The following ADAM9 variants were observed in gnomAD, a reference collection of about 807,000 sequenced individuals.
The protein encoded by ADAM9 is disintegrin and metalloproteinase domain-containing protein 9.
ADAM9 carries 54 observed loss-of-function variants against 108.1 expected under a neutral mutation model. The ratio of observed to expected loss-of-function variants is 0.50; its 90% confidence interval spans 0.40 to 0.63. The LOEUF is 0.63. ADAM9 is among the 20% of genes least tolerant of loss of function. The pLI is 0.00. For missense variants in ADAM9, 830 were observed against 997.7 expected (o/e 0.83, Z 2.26); for synonymous variants, 316 against 336.0 (o/e 0.94, Z 0.65).
chr8:39,067,134 A>G (rs1234796938), intron 14 of ADAM9, among the ~76,000 whole-genome samples: 2 of 152,182 alleles, frequency 1.3e-5, no homozygotes, highest in South Asian at 2.1e-4. Flanking sequence ...TACCAGTACC[A>G]TGCTATTTTG....
At chr8:39,005,654 T>C (rs897803166) in intron 1 of ADAM9, among the ~76,000 whole-genome samples, 3 of 152,192 alleles carry the variant, frequency 2.0e-5, no homozygotes, top group African/African-American at 7.2e-5. Context: ...CAGTCCAAAT[T>C]GCAGGGAAAA....
intron 3 of ADAM9, 40 bp from the exon 4 acceptor site, chr8:39,013,925 A>G: frequency 6.7e-7 from 1 of 1,483,392 alleles, no homozygotes; most frequent in South Asian, 1.1e-5. Flanking sequence ...AGTTGTAGAT[A>G]GATAACATAT....
At chr8:39,093,262 T>C (rs1017510040) in intron 20 of ADAM9, among the ~76,000 whole-genome samples, 27 of 152,204 alleles carry the variant, frequency 1.8e-4, no homozygotes, top group African/African-American at 6.5e-4. Flanking sequence ...TCAATTCCTT[T>C]CATCAATGTT....
intron 16 of ADAM9, among the ~76,000 whole-genome samples, chr8:39,079,093 C>G (rs1409797268): frequency 6.6e-6 from 1 of 152,152 alleles, no homozygotes; most frequent in East Asian, 1.9e-4. Flanking sequence ...TGTAACATGA[C>G]TTAAGTAGAT....
chr8:39,059,900 G>A (rs1838244284), intron 14 of ADAM9, among the ~76,000 whole-genome samples: 1 of 152,254 alleles, frequency 6.6e-6, no homozygotes, highest in Non-Finnish European at 1.5e-5. Context: ...GAGAGAAAAT[G>A]TAGTGTAGCA....
At chr8:39,068,091 G>A (rs1262868080) in intron 14 of ADAM9, among the ~76,000 whole-genome samples, 3 of 152,022 alleles carry the variant, frequency 2.0e-5, no homozygotes, top group Non-Finnish European at 2.9e-5. Context: ...TTTCTTCTGC[G>A]TAACCTCTGT....
intron 14 of ADAM9, among the ~76,000 whole-genome samples, chr8:39,064,335 G>C (rs1406516514): frequency 3.9e-5 from 6 of 152,172 alleles, no homozygotes; most frequent in African/African-American, 1.4e-4. Context: ...CATTCTCAAA[G>C]TTCTGTTCCT....
intron 20 of ADAM9, among the ~76,000 whole-genome samples, chr8:39,094,996 G>A (rs1839458329): frequency 6.6e-6 from 1 of 152,006 alleles, no homozygotes; most frequent in Non-Finnish European, 1.5e-5. Flanking sequence ...TGTAACATTA[G>A]GTTATTTGAG....
At chr8:39,020,235 G>A (rs1013348153) in intron 7 of ADAM9, among the ~76,000 whole-genome samples, 4 of 152,174 alleles carry the variant, frequency 2.6e-5, no homozygotes, top group African/African-American at 9.7e-5. Context: ...CTGGGTGACA[G>A]AGGGAGACTT....
chr8:39,089,247 G>A (rs1047060763), intron 18 of ADAM9, among the ~76,000 whole-genome samples: 6 of 151,796 alleles, frequency 4.0e-5, no homozygotes, highest in African/African-American at 4.8e-5. Context: ...ACTCCATCTC[G>A]GGAAAAGAAA....
chr8:39,080,587 C>T (rs72640004), intron 16 of ADAM9, among the ~76,000 whole-genome samples: 3,820 of 152,256 alleles, frequency 0.025, 66 homozygotes, highest in Non-Finnish European at 0.039. Context: ...AGTTTTCACA[C>T]GGCAGATAGG....
rs1181710638 is a variant in ADAM9 at position 39,105,186 on chromosome 8, A to T, written c.*1486A>T. 2.3e-6 allele frequency: 1 copy of T among 442,960 alleles called. No individual in the cohort carries two copies. The highest frequency in any genetic ancestry group is 1.6e-5 in the South Asian group (1 of 61,280). 27.4% of individuals were successfully genotyped at this position (442,960 alleles called of 1,614,324 possible). On this transcript the variant is annotated 3_prime_UTR_variant, in exon 22 of 22. Transcript: ENST00000487273. ...AACAGATTAGTTTTGAAGAAGGCAAAAATTTCAGTTTTCTGAAGACAGCAT... is the reference window on the plus strand; with the variant it reads ...AACAGATTAGTTTTGAAGAAGGCAATAATTTCAGTTTTCTGAAGACAGCAT...
intron 18 of ADAM9, 96 bp downstream of exon 18, chr8:39,083,169 T>G: frequency 1.2e-6 from 1 of 860,656 alleles, no homozygotes; most frequent in South Asian, 1.4e-5. Flanking sequence ...ACATCAGTTA[T>G]ACATTTAATT....
At chr8:39,020,074 A>G (rs1836684893) in intron 7 of ADAM9, among the ~76,000 whole-genome samples, 1 of 152,202 alleles carries the variant, frequency 6.6e-6, no homozygotes. Flanking sequence ...TCACGAGATC[A>G]GGAGATTGAT....
At position 39,082,811 on chromosome 8, in the gene ADAM9, G is replaced by C. The variant is rs144404192; in HGVS notation, c.1962+90G>C. ...TAGATGAGAGTTCCCAGGATTTTCA[G>C]ATGTTGGGGAATTTAGATTCCTGAT... On this transcript the variant is annotated intron_variant, in intron 17 of 21. Coordinates refer to ENST00000487273, the MANE Select transcript of ADAM9 (RefSeq NM_003816.3). The C allele has an allele frequency of 4.3e-3, 5,946 of 1,379,946 alleles. 20 individuals are homozygous for C. The highest frequency in any genetic ancestry group is 9.1e-3 in the Middle Eastern group (51 of 5,620). 85.5% of individuals were successfully genotyped at this position (1,379,946 alleles called of 1,614,324 possible). A position where few individuals can be genotyped will look rare whatever the true frequency, so the allele number is the denominator to read the frequency against.
chr8:39,095,338 C>T (rs770152787), intron 20 of ADAM9, among the ~76,000 whole-genome samples: 6 of 152,068 alleles, frequency 3.9e-5, no homozygotes, highest in Non-Finnish European at 8.8e-5. Context: ...AGTTCAAACC[C>T]GTGTTGCTTA....
At chr8:39,040,137 C>T (rs913621672) in intron 11 of ADAM9, among the ~76,000 whole-genome samples, 10 of 152,270 alleles carry the variant, frequency 6.6e-5, no homozygotes, top group African/African-American at 1.4e-4. Context: ...ACAACCTCTG[C>T]CTCCCAGGTT....
At chr8:39,077,027 C>T (rs539248665) in intron 15 of ADAM9, among the ~76,000 whole-genome samples, 25 of 152,316 alleles carry the variant, frequency 1.6e-4, no homozygotes, top group South Asian at 4.1e-4. Flanking sequence ...TAATTTGCAT[C>T]TTAGCATCCA....
chr8:39,058,245 A>G (rs1838189381), intron 14 of ADAM9, among the ~76,000 whole-genome samples: 2 of 152,232 alleles, frequency 1.3e-5, no homozygotes, highest in South Asian at 2.1e-4. Context: ...GAATGCACAC[A>G]CACATACACA....
Sources: gnomAD v4.1 joint callset for allele counts (sites outside exome capture counted in the v4.1 genomes callset) on GRCh38, gnomAD v4.1.1 for gene constraint, MANE v1.5 for transcripts, NCBI Gene and HGNC (gene_info 2026-07-23, HGNC 2026-07-21) for gene names.